USP15: variants seen among roughly 807,000 people sequenced by gnomAD.
USP15 encodes ubiquitin carboxyl-terminal hydrolase 15.
A neutral mutation model predicts 127.1 loss-of-function variants in USP15; 18 were observed. That is an observed-to-expected ratio of 0.14 (90% CI 0.10 to 0.21). The LOEUF (loss-of-function observed/expected upper bound fraction) is 0.21, where lower values mean the gene tolerates loss of function less well. Among genes scored for constraint, USP15 ranks in the 10% least tolerant of loss-of-function variants. The pLI is 1.00. For missense variants in USP15, 805 were observed against 1,159.9 expected (o/e 0.69, Z 4.44); for synonymous variants, 364 against 393.7 (o/e 0.92, Z 0.89).
intron 1 of USP15, among the ~76,000 whole-genome samples, chr12:62,270,167 A>G (rs923848437): frequency 6.6e-6 from 1 of 151,938 alleles, no homozygotes; most frequent in South Asian, 2.1e-4. Flanking sequence ...GGCCATTTGT[A>G]TGTCTTTTGG....
At chr12:62,368,426 A>G (rs1311741240) in intron 8 of USP15, among the ~76,000 whole-genome samples, 1 of 152,126 alleles carries the variant, frequency 6.6e-6, no homozygotes, top group Non-Finnish European at 1.5e-5. Context: ...ATCTTCCACT[A>G]TTACTGTGTG....
chr12:62,337,963 T>C (rs1303980301), intron 6 of USP15, among the ~76,000 whole-genome samples: 1 of 152,146 alleles, frequency 6.6e-6, no homozygotes, highest in Non-Finnish European at 1.5e-5. Context: ...GTCTTTATAG[T>C]AGAATGGTTT....
At chr12:62,306,957 G>A (rs923843017) in intron 3 of USP15, among the ~76,000 whole-genome samples, 1 of 152,112 alleles carries the variant, frequency 6.6e-6, no homozygotes, top group African/African-American at 2.4e-5. Context: ...TTAATATTAA[G>A]GGTGTCTTCT....
intron 6 of USP15, among the ~76,000 whole-genome samples, chr12:62,347,925 G>A (rs1003346793): frequency 3.3e-5 from 5 of 152,120 alleles, no homozygotes; most frequent in African/African-American, 1.2e-4. Context: ...TAGGCCTGGT[G>A]CAGCCTGTAA....
chr12:62,332,290 TTTC>T (rs1159290695), intron 6 of USP15, among the ~76,000 whole-genome samples: 5 of 152,196 alleles, frequency 3.3e-5, no homozygotes, highest in Non-Finnish European at 7.3e-5. Context: ...AGGATTTGCA[TTTC>T]TTATCTAGTT....
intron 8 of USP15, among the ~76,000 whole-genome samples, chr12:62,371,432 A>G (rs2066663267): frequency 2.0e-5 from 3 of 152,156 alleles, no homozygotes; most frequent in Admixed American, 2.0e-4. Flanking sequence ...ACAGTAGAAC[A>G]GTGTTTTTTA....
chr12:62,354,662 A>G (rs981857201), intron 7 of USP15, among the ~76,000 whole-genome samples: 5 of 151,988 alleles, frequency 3.3e-5, no homozygotes, highest in African/African-American at 9.7e-5. Flanking sequence ...TCTTGAGGTT[A>G]TATTTATCTG....
intron 4 of USP15, among the ~76,000 whole-genome samples, chr12:62,320,562 G>A (rs4145153): frequency 6.6e-6 from 1 of 151,888 alleles, no homozygotes; most frequent in Non-Finnish European, 1.5e-5. Flanking sequence ...TTTGCTTTAA[G>A]TTTTGAGATA....
In USP15 at chr12:62,322,432, G is replaced by A. The variant is rs570392523; in HGVS notation, c.621+823G>A. 9.9e-5 allele frequency among the ~76,000 whole-genome samples: 15 copies of A among 152,078 alleles called. No homozygotes were observed. In the East Asian group the frequency reaches 2.1e-3, roughly 22 times the overall value. ...ATTACAGGTGTGCGCCACCGTGCCC[G>A]GCCGGTATTTTTTTAATAAAGTATT... On this transcript the variant is annotated intron_variant, in intron 5 of 21. Coordinates refer to ENST00000280377, the MANE Select transcript of USP15 (RefSeq NM_001252078.2).
chr12:62,269,223 TAC>T (rs2063279635), intron 1 of USP15, among the ~76,000 whole-genome samples: 1 of 152,138 alleles, frequency 6.6e-6, no homozygotes, highest in African/African-American at 2.4e-5. Context: ...GATTGCCTAC[TAC>T]ATACCTAGGA....
At chr12:62,383,625 C>A (rs1405944757) in intron 9 of USP15, among the ~76,000 whole-genome samples, 1 of 151,928 alleles carries the variant, frequency 6.6e-6, no homozygotes, top group Non-Finnish European at 1.5e-5. Context: ...TTGTTCAACC[C>A]CAGCTGGTAA....
chr12:62,342,827 G>A (rs938688982), intron 6 of USP15, among the ~76,000 whole-genome samples: 9 of 152,160 alleles, frequency 5.9e-5, no homozygotes, highest in African/African-American at 1.4e-4. Flanking sequence ...CCCGTATGAG[G>A]TGTCTGTCAA....
At chr12:62,312,509 G>T (rs1387404355) in intron 3 of USP15, among the ~76,000 whole-genome samples, 2 of 151,476 alleles carry the variant, frequency 1.3e-5, no homozygotes, top group African/African-American at 4.8e-5. Flanking sequence ...CTTCATTATG[G>T]TTATAAATTA....
rs767833380 is a variant in USP15, at chr12:62,389,664, C to A, written c.1617C>A (p.Asn539Lys). Residue 539 changes from asparagine to lysine, a missense_variant, in exon 13 of 22, where the codon AAC becomes AAA. Around this residue, in one of 11 missense-constraint regions of USP15, gnomAD observed 82 missense variants for 104.4 expected, o/e 0.79. Transcript: ENST00000280377. ...ACAGAATATTCGCTATGGATGAAAACCTTAGTAGTATTATGGAACGGGATG... is the reference window on the plus strand; with the variant it reads ...ACAGAATATTCGCTATGGATGAAAAACTTAGTAGTATTATGGAACGGGATG... ...RFHRIFAMDE[N>K]LSSIMERDDI... 1.2e-6 allele frequency: 2 copies of A among 1,612,712 alleles called. No individual in the cohort carries two copies. The highest frequency in any genetic ancestry group is 1.7e-6 in the Non-Finnish European group (2 of 1,179,350).
At position 62,294,209 on chromosome 12, in the gene USP15, G is replaced by A; in HGVS notation, c.120G>A (p.Gln40=). The change falls in exon 2 of 22, where the codon CAG becomes CAA. Residue 40 remains glutamine, a synonymous_variant. Transcript: ENST00000280377. ...WYLVDSRWFK[Q]WKKYVGFDSW... ...TAGTCGATAGTCGCTGGTTCAAACA[G>A]TGGAAAAAATATGTTGGCTTTGACA... The A allele has an allele frequency of 2.5e-6, 4 of 1,613,468 alleles. No homozygotes were observed. Among genetic ancestry groups the A allele is most frequent in the Non-Finnish European group, 3.4e-6 (4 of 1,179,702 alleles).
Position 62,384,222 on chromosome 12 carries a change from A to C in USP15, c.1393A>C (p.Thr465Pro). The C allele has an allele frequency of 6.2e-7, 1 of 1,612,786 alleles. No homozygotes were observed. Among genetic ancestry groups the C allele is most frequent in the Non-Finnish European group, 8.5e-7 (1 of 1,179,234 alleles). The part of the protein sequence containing the change: ...SVTFDPFCYL[T>P]LPLPMKKERT... ...AACATTTGATCCTTTTTGTTACTTG[A>C]CACTTCCATTGCCCATGAAAAAAGA... is the stretch of plus-strand genomic sequence containing the variant. Residue 465 changes from threonine to proline, a missense_variant, in exon 11 of 22, where the codon ACA (threonine) becomes CCA (proline). Physicochemically the swap from Thr to Pro is conservative, Grantham distance 38 (BLOSUM62 -1). Transcript: ENST00000280377.
chr12:62,322,301 T>G (rs2065006541), intron 5 of USP15, among the ~76,000 whole-genome samples: 1 of 152,034 alleles, frequency 6.6e-6, no homozygotes, highest in Admixed American at 6.6e-5. Flanking sequence ...CTAATTTTTG[T>G]GTTTATAGTA....
chr12:62,380,020 T>C (rs2137561637), intron 8 of USP15, among the ~76,000 whole-genome samples: 1 of 152,150 alleles, frequency 6.6e-6, no homozygotes, highest in East Asian at 1.9e-4. Flanking sequence ...CCTCTCTTTC[T>C]CCTGCTCACA....
intron 14 of USP15, 54 bp from the exon 15 acceptor site, chr12:62,390,810 A>T (rs2067302035): frequency 3.7e-6 from 5 of 1,352,576 alleles, no homozygotes; most frequent in South Asian, 2.7e-5. Flanking sequence ...AAAACTTTTT[A>T]AAAGTTTTTA....
Sources: gnomAD v4.1 joint callset for allele counts (sites outside exome capture counted in the v4.1 genomes callset) on GRCh38, gnomAD v4.1.1 for gene constraint, gnomAD v4.1.1 regional missense constraint, MANE v1.5 for transcripts, NCBI Gene and HGNC (gene_info 2026-07-23, HGNC 2026-07-21) for gene names.